Variants in ZNF345 observed in about 807,000 individuals in gnomAD.
ZNF345 encodes the protein zinc finger protein 345.
For synonymous variants in ZNF345, 166 were observed against 187.9 expected (o/e 0.88, Z 0.95); for missense variants, 527 against 589.9 (o/e 0.89, Z 1.10).
At chr19:36,869,924 G>A (rs114760672) in intron 2 of ZNF345, among the ~76,000 whole-genome samples, 22,984 of 152,000 alleles carry the variant, frequency 0.15, 1,895 homozygotes, top group Middle Eastern at 0.27. Flanking sequence ...ACCACGCCTG[G>A]TGTGCCACCA....
At chr19:36,869,105 G>A (rs1253906336) in intron 2 of ZNF345, among the ~76,000 whole-genome samples, 3 of 151,998 alleles carry the variant, frequency 2.0e-5, no homozygotes, top group Non-Finnish European at 1.5e-5. Context: ...AGACTCCATA[G>A]GTTTTAGCAT....
downstream of ZNF345, among the ~76,000 whole-genome samples, chr19:36,882,216 G>A (rs2072972560): frequency 6.6e-6 from 1 of 151,886 alleles, no homozygotes; most frequent in East Asian, 1.9e-4. Flanking sequence ...TTTTAAATTG[G>A]AAGCATTTAA....
chr19:36,876,672 C>T lies in ZNF345; in HGVS notation c.-46-113C>T, dbSNP rs2072886395. 4.3e-6 allele frequency: 3 copies of T among 689,842 alleles called. No individual in the cohort carries two copies. The Admixed American group carries it at 9.7e-5, about 22-fold the overall frequency. The allele number at this position is 689,842 out of a possible 1,614,324, so 42.7% of individuals were successfully genotyped here. A position where few individuals can be genotyped will look rare whatever the true frequency, so the allele number is the denominator to read the frequency against. ...AGTCATATGTGAGAACTGTATAAAC[C>T]ACTCAATTTTTATGAAAATTAAATT... On this transcript the variant is annotated intron_variant, in intron 2 of 2. Coordinates refer to ENST00000420450, the MANE Select transcript of ZNF345 (RefSeq NM_001242472.2).
intron 2 of ZNF345, among the ~76,000 whole-genome samples, chr19:36,862,533 G>T (rs1443646624): frequency 1.3e-5 from 2 of 151,562 alleles, no homozygotes; most frequent in Non-Finnish European, 2.9e-5. Flanking sequence ...GAGTGGTGGT[G>T]CACACCTGTA....
chr19:36,877,875 A>AAGACCTTTAGTAGTGGTTC lies in ZNF345; in HGVS notation c.1053_1071dup (p.Thr358Ter). 1 of 1,614,084 alleles carries AAGACCTTTAGTAGTGGTTC rather than the reference A, an allele frequency of 6.2e-7. No homozygotes were observed. On this transcript the variant is annotated frameshift_variant, in exon 3 of 3. Coordinates refer to ENST00000420450, the MANE Select transcript of ZNF345 (RefSeq NM_001242472.2). LOFTEE classifies it low-confidence loss of function (END_TRUNC). ...ACCTTATGAATGTAAGGAATGTGGG[A>AAGACCTTTAGTAGTGGTTC]AGACCTTTAGTAGTGGTTCAGACCT...
intron 2 of ZNF345, among the ~76,000 whole-genome samples, chr19:36,868,711 C>T (rs1254176200): frequency 1.3e-5 from 2 of 151,000 alleles, no homozygotes; most frequent in African/African-American, 2.4e-5. Context: ...CTGCAACCTC[C>T]GCTTCCTGGG....
chr19:36,874,704 G>T (rs142894889), intron 2 of ZNF345, among the ~76,000 whole-genome samples: 1 of 152,118 alleles, frequency 6.6e-6, no homozygotes, highest in African/African-American at 2.4e-5. Flanking sequence ...ACTTGAACCC[G>T]GGAGGCGGAG....
intron 2 of ZNF345, among the ~76,000 whole-genome samples, chr19:36,854,243 T>C (rs2072354396): frequency 6.6e-6 from 1 of 151,732 alleles, no homozygotes; most frequent in African/African-American, 2.4e-5. Context: ...TTGTTTTTTT[T>C]TTTTTTTATT....
downstream of ZNF345, among the ~76,000 whole-genome samples, chr19:36,880,212 C>T (rs932743024): frequency 4.0e-5 from 6 of 151,354 alleles, no homozygotes; most frequent in South Asian, 2.1e-4. Context: ...TCCAGCTACT[C>T]GGGAGTCTGA....
chr19:36,882,503 G>A (rs1295637046), downstream of ZNF345, among the ~76,000 whole-genome samples: 2 of 152,078 alleles, frequency 1.3e-5, no homozygotes, highest in African/African-American at 2.4e-5. Context: ...TCTTGACCTC[G>A]TGATCCGCCC....
chr19:36,865,077 G>A (rs928547637), intron 2 of ZNF345, among the ~76,000 whole-genome samples: 13 of 152,138 alleles, frequency 8.5e-5, no homozygotes, highest in African/African-American at 2.2e-4. Flanking sequence ...GAGGAAGCCT[G>A]GTAAAGTCAC....
chr19:36,856,674 G>A (rs1441148374), intron 2 of ZNF345, among the ~76,000 whole-genome samples: 1 of 152,002 alleles, frequency 6.6e-6, no homozygotes, highest in African/African-American at 2.4e-5. Flanking sequence ...TGGACAACAC[G>A]GTGAAACCCC....
At chr19:36,892,391 T>C (rs761179427) in intron 3 of ZNF345, 2 of 1,612,838 alleles carry the variant, frequency 1.2e-6, no homozygotes, top group South Asian at 1.1e-5. Context: ...AAAGTAGACA[T>C]GTCTTCACGG....
chr19:36,867,517 A>T (rs1015162613), intron 2 of ZNF345, among the ~76,000 whole-genome samples: 1 of 152,344 alleles, frequency 6.6e-6, no homozygotes, highest in African/African-American at 2.4e-5. Flanking sequence ...TTTAACTTGG[A>T]TGAATTTAAA....
intron 2 of ZNF345, among the ~76,000 whole-genome samples, chr19:36,866,575 A>C (rs1393175366): frequency 2.0e-5 from 3 of 152,106 alleles, no homozygotes; most frequent in Admixed American, 6.6e-5. Context: ...TTTTTGAGAC[A>C]GTCTCACTCT....
chr19:36,885,851 A>C (rs1045063502), intron 3 of ZNF345, among the ~76,000 whole-genome samples: 16 of 152,190 alleles, frequency 1.1e-4, no homozygotes, highest in African/African-American at 3.9e-4. Flanking sequence ...AAGTTAATCC[A>C]GTGTTATGTA....
intron 2 of ZNF345, among the ~76,000 whole-genome samples, chr19:36,861,616 A>G (rs1047386610): frequency 3.3e-5 from 5 of 152,180 alleles, no homozygotes; most frequent in Non-Finnish European, 2.9e-5. Context: ...GCTGAAGTGC[A>G]GTGGCGTGAT....
chr19:36,873,830 A>G (rs747277578), intron 2 of ZNF345, among the ~76,000 whole-genome samples: 12 of 152,092 alleles, frequency 7.9e-5, no homozygotes, highest in Non-Finnish European at 1.8e-4. Flanking sequence ...TCAATGGTGA[A>G]TAATATTCAT....
Position 36,853,309 on chromosome 19 carries a change from C to T in ZNF345, c.-47+1405C>T, listed in dbSNP as rs954877159. Among the ~76,000 whole-genome samples, 12 of 142,326 alleles carry T rather than the reference C, an allele frequency of 8.4e-5. No individual in the cohort carries two copies. In the South Asian group the frequency reaches 1.3e-3, roughly 16 times the overall value. 93.4% of individuals were successfully genotyped at this position (142,326 alleles called of 152,430 possible). ...TATTGCCCAGGCTGGAGTGCAATGG[C>T]ATGATCTCGGCTCACCACAACCTCC... On this transcript the variant is annotated intron_variant, in intron 2 of 2. Coordinates refer to ENST00000420450, the MANE Select transcript of ZNF345 (RefSeq NM_001242472.2).
Sources: gnomAD v4.1 joint callset for allele counts (sites outside exome capture counted in the v4.1 genomes callset) on GRCh38, gnomAD v4.1.1 for gene constraint, MANE v1.5 for transcripts, NCBI Gene and HGNC (gene_info 2026-07-23, HGNC 2026-07-21) for gene names.